NTM: variants seen among roughly 807,000 people sequenced by gnomAD.
NTM encodes neurotrimin, also known as IgLON family member 2.
NTM carries 13 observed loss-of-function variants against 42.1 expected under a neutral mutation model. The ratio of observed to expected loss-of-function variants is 0.31; its 90% CI spans 0.20 to 0.49. NTM has a LOEUF of 0.49. Ranked by LOEUF, NTM falls within the 20% of genes least tolerant of loss-of-function variation. The pLI is 0.99. For synonymous variants in NTM, 187 were observed against 179.2 expected (o/e 1.04, Z -0.35); for missense variants, 373 against 452.8 (o/e 0.82, Z 1.60).
At chr11:131,661,793 A>C (rs1338180019) in intron 1 of NTM, among the ~76,000 whole-genome samples, 1 of 152,128 alleles carries the variant, frequency 6.6e-6, no homozygotes, top group East Asian at 1.9e-4. Context: ...CCAACAATCC[A>C]CTGATATAAT....
intron 4 of NTM, among the ~76,000 whole-genome samples, chr11:132,302,763 C>T (rs1489181582): frequency 6.6e-6 from 1 of 152,188 alleles, no homozygotes; most frequent in East Asian, 1.9e-4. Flanking sequence ...GTTGCAGGAG[C>T]AGTGGATTGG....
At chr11:131,376,335 G>C (rs370246518) in intron 1 of NTM, among the ~76,000 whole-genome samples, 1 of 152,130 alleles carries the variant, frequency 6.6e-6, no homozygotes, top group East Asian at 1.9e-4. Context: ...TAAGCTGTCT[G>C]TTTCGGTTTT....
At chr11:131,876,943 C>T (rs776668847) in intron 1 of NTM, among the ~76,000 whole-genome samples, 2 of 151,910 alleles carry the variant, frequency 1.3e-5, no homozygotes, top group African/African-American at 2.4e-5. Flanking sequence ...ACTGCAACCT[C>T]TGCCTCCTGT....
At chr11:132,135,761 G>A (rs556664607) in intron 2 of NTM, among the ~76,000 whole-genome samples, 3 of 152,332 alleles carry the variant, frequency 2.0e-5, no homozygotes, top group South Asian at 2.1e-4. Context: ...GGAAGGGGCC[G>A]AGGGGCCTGG....
chr11:132,315,259 C>T (rs60776337), intron 7 of NTM, among the ~76,000 whole-genome samples: 3,972 of 152,268 alleles, frequency 0.026, 75 homozygotes, highest in Middle Eastern at 0.078. Flanking sequence ...GCCCCACCTT[C>T]GTCACATATC....
chr11:131,796,579 C>T (rs1454792348), intron 1 of NTM, among the ~76,000 whole-genome samples: 1 of 152,176 alleles, frequency 6.6e-6, no homozygotes, highest in African/African-American at 2.4e-5. Flanking sequence ...GAGGAGCCAA[C>T]AGGAAACCAG....
At chr11:132,166,013 A>G (rs930362622) in intron 3 of NTM, among the ~76,000 whole-genome samples, 7 of 152,124 alleles carry the variant, frequency 4.6e-5, no homozygotes, top group Non-Finnish European at 2.9e-5. Context: ...AGATATATCA[A>G]TTACTCTCAG....
At chr11:131,843,833 C>T (rs991210371) in intron 1 of NTM, among the ~76,000 whole-genome samples, 1 of 151,978 alleles carries the variant, frequency 6.6e-6, no homozygotes, top group Non-Finnish European at 1.5e-5. Flanking sequence ...AGTGAATTGC[C>T]TAGTTTTCCT....
rs544580697 is a variant in NTM, at chr11:132,336,808, C to T, written c.*1662C>T. The T allele has an allele frequency of 1.3e-5, 2 of 152,158 alleles. No individual in the cohort carries two copies. The highest frequency in any genetic ancestry group is 4.8e-5 in the African/African-American group (2 of 41,488). 9.4% of individuals were successfully genotyped at this position (152,158 alleles called of 1,614,324 possible). A position where few individuals can be genotyped will look rare whatever the true frequency, so the allele number is the denominator to read the frequency against. On this transcript the variant is annotated 3_prime_UTR_variant, in exon 9 of 9. Transcript: ENST00000683400. ...CTCTGACTTGACATTAAAAAGTGTT[C>T]CATGTCCCTCTTCACCTGGTGTGGT...
intron 2 of NTM, among the ~76,000 whole-genome samples, chr11:132,086,344 G>T (rs1360956876): frequency 7.3e-6 from 1 of 136,108 alleles, no homozygotes; most frequent in African/African-American, 2.8e-5. Context: ...AAAAAAAATA[G>T]TGGCAAGACA....
At position 131,849,652 on chromosome 11, in the gene NTM, G is replaced by A. The variant is rs116932800; in HGVS notation, c.83-61912G>A. Reference sequence around the variant, plus strand: ...TATCCCAACTATATCAAGAACTCTGGAATCTTTTGAGGACATTGACCCTTC... The same window carrying A: ...TATCCCAACTATATCAAGAACTCTGAAATCTTTTGAGGACATTGACCCTTC... On this transcript the variant is annotated intron_variant, in intron 1 of 8. Transcript: ENST00000683400. 5.7e-3 allele frequency among the ~76,000 whole-genome samples: 873 copies of A among 152,018 alleles called. 6 individuals are homozygous for A. Among genetic ancestry groups the A allele is most frequent in the Middle Eastern group, 0.014 (4 of 294 alleles).
chr11:131,412,125 T>C (rs1258844981), intron 1 of NTM, among the ~76,000 whole-genome samples: 1 of 152,190 alleles, frequency 6.6e-6, no homozygotes, highest in Non-Finnish European at 1.5e-5. Context: ...CTAAGAGCTA[T>C]ACATTTTCCT....
chr11:131,777,448 C>G (rs937453867), intron 1 of NTM, among the ~76,000 whole-genome samples: 2 of 98,106 alleles, frequency 2.0e-5, no homozygotes, highest in East Asian at 7.5e-4. Flanking sequence ...CCCCACCCCC[C>G]ACCCCATGCA....
At chr11:131,784,148 G>A (rs1366290040) in intron 1 of NTM, among the ~76,000 whole-genome samples, 1 of 152,144 alleles carries the variant, frequency 6.6e-6, no homozygotes, top group Non-Finnish European at 1.5e-5. Flanking sequence ...AAGTGTTAAG[G>A]AGGATGTGGG....
At chr11:132,320,291 G>C (rs2095531378) in intron 7 of NTM, among the ~76,000 whole-genome samples, 1 of 152,258 alleles carries the variant, frequency 6.6e-6, no homozygotes, top group Admixed American at 6.5e-5. Context: ...AGGAGTGCCA[G>C]ACAGTGGGTG....
intron 1 of NTM, among the ~76,000 whole-genome samples, chr11:131,552,308 G>A (rs1267109580): frequency 6.6e-6 from 1 of 152,158 alleles, no homozygotes; most frequent in Non-Finnish European, 1.5e-5. Context: ...TGTCAGTTTG[G>A]AAAACAGTTT....
chr11:132,222,424 A>G (rs1412478159), intron 4 of NTM, among the ~76,000 whole-genome samples: 2 of 152,196 alleles, frequency 1.3e-5, no homozygotes, highest in Non-Finnish European at 2.9e-5. Context: ...ATGAAAAGAA[A>G]TTGCCAGACT....
intron 1 of NTM, 134 bp downstream of exon 1, chr11:131,371,022 C>T (rs1941096564): frequency 1.3e-6 from 2 of 1,483,510 alleles, no homozygotes; most frequent in African/African-American, 2.8e-5. Context: ...GACAGCATGG[C>T]TGGGACTTCA....
At chr11:131,440,044 T>C (rs1407218156) in intron 1 of NTM, among the ~76,000 whole-genome samples, 1 of 151,886 alleles carries the variant, frequency 6.6e-6, no homozygotes, top group Non-Finnish European at 1.5e-5. Flanking sequence ...AATTTTCTCC[T>C]CTTATTTTCT....
Sources: allele counts gnomAD v4.1 joint callset (sites outside exome capture counted in the v4.1 genomes callset), GRCh38; gene constraint gnomAD v4.1.1; transcripts MANE v1.5; gene names NCBI Gene and HGNC (gene_info 2026-07-23, HGNC 2026-07-21).